Variants in MLLT10 observed in about 807,000 individuals in gnomAD.
MLLT10 encodes protein AF-10.
MLLT10 carries 30 observed loss-of-function variants against 129.1 expected under a neutral mutation model. The observed-to-expected ratio is 0.23, with a 90% CI of 0.17 to 0.32. MLLT10 has a LOEUF of 0.32. MLLT10 is among the 10% of genes least tolerant of loss of function. The pLI, the probability that MLLT10 is intolerant of heterozygous loss-of-function variation, is 1.00. For synonymous variants in MLLT10, 490 were observed against 446.4 expected (o/e 1.10, Z -1.23); for missense variants, 1,119 against 1,268.3 (o/e 0.88, Z 1.79).
chr10:21,663,850 C>T (rs539044703), intron 9 of MLLT10, among the ~76,000 whole-genome samples: 1 of 152,008 alleles, frequency 6.6e-6, no homozygotes, highest in Non-Finnish European at 1.5e-5. Context: ...ACAGGTATGA[C>T]CCCCAATTTT....
At chr10:21,635,008 G>A (rs564445669) in intron 8 of MLLT10, among the ~76,000 whole-genome samples, 19 of 152,308 alleles carry the variant, frequency 1.2e-4, no homozygotes, top group African/African-American at 3.8e-4. Context: ...GTTTCTTTTA[G>A]TGGAGGTAGC....
At chr10:21,664,663 G>C (rs771345578) in intron 9 of MLLT10, among the ~76,000 whole-genome samples, 5 of 152,074 alleles carry the variant, frequency 3.3e-5, no homozygotes, top group Non-Finnish European at 7.4e-5. Flanking sequence ...ATTAGGTCAA[G>C]TTGATTTATA....
intron 19 of MLLT10, 64 bp from the exon 20 acceptor site, chr10:21,733,704 C>T: frequency 1.3e-6 from 2 of 1,531,234 alleles, no homozygotes; most frequent in Non-Finnish European, 1.7e-6. Flanking sequence ...AACTTAGTTT[C>T]TCTTCTTTCT....
At chr10:21,688,569 C>T in intron 13 of MLLT10, 1 of 1,584,298 alleles carries the variant, frequency 6.3e-7, no homozygotes, top group South Asian at 1.1e-5. Flanking sequence ...TGGTTCTAAA[C>T]ATAATAGTGT....
intron 4 of MLLT10, among the ~76,000 whole-genome samples, chr10:21,590,916 T>A (rs1365085881): frequency 6.6e-6 from 1 of 152,228 alleles, no homozygotes; most frequent in Non-Finnish European, 1.5e-5. Flanking sequence ...TACATTTTCC[T>A]CTTGTTTTCT....
chr10:21,626,131 G>T (rs1350452221), intron 8 of MLLT10: 16 of 1,609,920 alleles, frequency 9.9e-6, no homozygotes, highest in Non-Finnish European at 1.4e-5. Flanking sequence ...TCTGCCTGTA[G>T]GTCTTCATAA....
chr10:21,615,316 G>T (rs902762068), intron 7 of MLLT10, among the ~76,000 whole-genome samples: 1 of 151,656 alleles, frequency 6.6e-6, no homozygotes, highest in East Asian at 1.9e-4. Flanking sequence ...AATTAGCGGG[G>T]TGTGCTGGTG....
At chr10:21,628,778 G>C (rs1298745509) in intron 8 of MLLT10, among the ~76,000 whole-genome samples, 1 of 121,660 alleles carries the variant, frequency 8.2e-6, no homozygotes. Flanking sequence ...ACAGAGTCTC[G>C]CTCTGTCTCC....
intron 8 of MLLT10, 131 bp from the exon 9 acceptor site, chr10:21,651,542 A>G (rs2049033692): frequency 4.9e-6 from 3 of 609,262 alleles, no homozygotes; most frequent in South Asian, 4.8e-5. Context: ...AAACAACACA[A>G]TGATCAGAGG....
At chr10:21,740,566 C>CT in intron 22 of MLLT10, among the ~76,000 whole-genome samples, 1 of 152,134 alleles carries the variant, frequency 6.6e-6, no homozygotes. Flanking sequence ...GTCTATATAT[C>CT]TTGGAAATAT....
At chr10:21,564,852 C>T (rs561203274) in intron 3 of MLLT10, among the ~76,000 whole-genome samples, 1 of 151,194 alleles carries the variant, frequency 6.6e-6, no homozygotes, top group Non-Finnish European at 1.5e-5. Flanking sequence ...GTATTCCACT[C>T]TTGGTGAGTG....
At chr10:21,707,944 T>C (rs1398995366) in intron 13 of MLLT10, among the ~76,000 whole-genome samples, 1 of 152,254 alleles carries the variant, frequency 6.6e-6, no homozygotes, top group African/African-American at 2.4e-5. Flanking sequence ...TCTTAAATAT[T>C]TTTTTAGACA....
At chr10:21,653,862 T>A (rs929407182) in intron 9 of MLLT10, among the ~76,000 whole-genome samples, 4 of 152,218 alleles carry the variant, frequency 2.6e-5, no homozygotes, top group African/African-American at 7.2e-5. Flanking sequence ...TGGAGTTATT[T>A]AAAGCCACAA....
At chr10:21,718,183 T>TC (rs1294228795) in intron 14 of MLLT10, among the ~76,000 whole-genome samples, 17 of 151,898 alleles carry the variant, frequency 1.1e-4, no homozygotes, top group African/African-American at 2.7e-4. Flanking sequence ...CTTTTTTTTT[T>TC]CCCCCTTTCA....
At chr10:21,635,786 G>T (rs1478082642) in intron 8 of MLLT10, among the ~76,000 whole-genome samples, 1 of 151,432 alleles carries the variant, frequency 6.6e-6, no homozygotes, top group Non-Finnish European at 1.5e-5. Flanking sequence ...GAGTGCAATG[G>T]TGCAATCTCA....
At chr10:21,563,856 AGGCTGGAGTGT>A (rs942165042) in intron 3 of MLLT10, among the ~76,000 whole-genome samples, 6 of 151,244 alleles carry the variant, frequency 4.0e-5, no homozygotes, top group Non-Finnish European at 7.4e-5. Flanking sequence ...TTTGTCGCCC[AGGCTGGAGTGT>A]GGTGGCGCGA....
chr10:21,653,139 C>T (rs754815809), intron 9 of MLLT10, among the ~76,000 whole-genome samples: 7 of 152,142 alleles, frequency 4.6e-5, no homozygotes, highest in Non-Finnish European at 8.8e-5. Context: ...ACTTACTAGT[C>T]GTTCTGTAGG....
intron 4 of MLLT10, among the ~76,000 whole-genome samples, chr10:21,591,386 A>T (rs1341545062): frequency 1.3e-5 from 2 of 152,162 alleles, no homozygotes; most frequent in African/African-American, 4.8e-5. Context: ...GACATTTTCC[A>T]GTTTCCCTTG....
At chr10:21,654,829 CAAT>C (rs774416425) in intron 9 of MLLT10, among the ~76,000 whole-genome samples, 2 of 151,908 alleles carry the variant, frequency 1.3e-5, no homozygotes, top group Non-Finnish European at 2.9e-5. Flanking sequence ...GAAATGAGGA[CAAT>C]AGATGAGGGA....
Sources: gnomAD v4.1 joint callset for allele counts (sites outside exome capture counted in the v4.1 genomes callset) on GRCh38, gnomAD v4.1.1 for gene constraint, MANE v1.5 for transcripts, NCBI Gene and HGNC (gene_info 2026-07-23, HGNC 2026-07-21) for gene names.